The following TBC1D1 variants were observed in gnomAD, a reference collection of about 807,000 sequenced individuals.
TBC1D1 encodes TBC1 (tre-2/USP6, BUB2, cdc16) domain family, member 1.
A neutral mutation model predicts 125.6 loss-of-function variants in TBC1D1; 89 were observed. That is an observed-to-expected ratio of 0.71 (90% CI 0.60 to 0.85). The LOEUF (loss-of-function observed/expected upper bound fraction) is 0.85. Ranked by LOEUF, TBC1D1 falls within the 40% of genes least tolerant of loss-of-function variation. The pLI is 0.00. For synonymous variants in TBC1D1, 565 were observed against 564.1 expected (o/e 1.00, Z -0.02); for missense variants, 1,377 against 1,469.2 (o/e 0.94, Z 1.03).
chr4:37,927,756 C>T (rs1722416640), intron 2 of TBC1D1, among the ~76,000 whole-genome samples: 2 of 152,188 alleles, frequency 1.3e-5, no homozygotes, highest in Admixed American at 6.5e-5. Context: ...GTTAGGTTAG[C>T]TGGCACAGCA....
chr4:38,131,660 CAT>C (rs949764446), intron 18 of TBC1D1, among the ~76,000 whole-genome samples: 2 of 152,168 alleles, frequency 1.3e-5, no homozygotes, highest in African/African-American at 4.8e-5. Context: ...TCAAGTCATT[CAT>C]AGAGTCGCCA....
chr4:38,034,112 C>T (rs945120924), intron 7 of TBC1D1, among the ~76,000 whole-genome samples: 19 of 152,226 alleles, frequency 1.2e-4, no homozygotes, highest in African/African-American at 4.6e-4. Context: ...TGTTTTGCAT[C>T]CCCGCCAACC....
At chr4:37,912,365 G>A (rs1718806599) in intron 2 of TBC1D1, among the ~76,000 whole-genome samples, 1 of 152,214 alleles carries the variant, frequency 6.6e-6, no homozygotes, top group Admixed American at 6.5e-5. Flanking sequence ...TATAGTATGT[G>A]CCATGCCATA....
chr4:37,947,690 T>C (rs4351030), intron 2 of TBC1D1, among the ~76,000 whole-genome samples: 16,339 of 152,182 alleles, frequency 0.11, 972 homozygotes, highest in East Asian at 0.17. Flanking sequence ...TACTTCTGTT[T>C]CTATAAAACT....
chr4:37,975,927 C>A (rs1156306734), intron 2 of TBC1D1, among the ~76,000 whole-genome samples: 3 of 152,106 alleles, frequency 2.0e-5, no homozygotes, highest in Non-Finnish European at 4.4e-5. Context: ...CTTGCCTTGG[C>A]AGCTGGGTGG....
chr4:37,908,837 G>A (rs553652693), intron 2 of TBC1D1, among the ~76,000 whole-genome samples: 2 of 152,166 alleles, frequency 1.3e-5, no homozygotes, highest in Non-Finnish European at 2.9e-5. Flanking sequence ...GGGTGGAGCG[G>A]GGGAGAGTGA....
rs146605077 is a variant in TBC1D1, at chr4:38,053,128, C to T, written c.1911-1071C>T. On this transcript the variant is annotated intron_variant, in intron 11 of 19. Transcript: ENST00000261439. ...TAGCATCTCCTACCGTAATGCCCTGCGGAAAAAACTTCATTCTTCTTCCTC... is the reference window on the plus strand; with the variant it reads ...TAGCATCTCCTACCGTAATGCCCTGTGGAAAAAACTTCATTCTTCTTCCTC... 33 of 1,523,790 alleles carry T rather than the reference C, an allele frequency of 2.2e-5. No individual in the cohort carries two copies. The African/African-American group carries it at 2.2e-4, about 10-fold the overall frequency. The allele number at this position is 1,523,790 out of a possible 1,614,324, so 94.4% of individuals were successfully genotyped here. A position where few individuals can be genotyped will look rare whatever the true frequency, so the allele number is the denominator to read the frequency against.
At chr4:38,082,187 C>A (rs1188456716) in intron 12 of TBC1D1, among the ~76,000 whole-genome samples, 1 of 152,126 alleles carries the variant, frequency 6.6e-6, no homozygotes, top group Non-Finnish European at 1.5e-5. Flanking sequence ...ACAGTTTCCC[C>A]ACAATACTGA....
chr4:37,914,627 C>T (rs909372035), intron 2 of TBC1D1, among the ~76,000 whole-genome samples: 2 of 152,208 alleles, frequency 1.3e-5, no homozygotes, highest in Non-Finnish European at 2.9e-5. Context: ...TGAAATCATG[C>T]CATTCCCCTG....
chr4:38,019,163 T>C (rs1405749547), intron 4 of TBC1D1, among the ~76,000 whole-genome samples: 1 of 152,136 alleles, frequency 6.6e-6, no homozygotes, highest in Non-Finnish European at 1.5e-5. Context: ...CACTTAAGGT[T>C]ATATTTGCTT....
At chr4:38,051,810 G>A (rs985004751) in intron 11 of TBC1D1, 89 bp from the exon 12 acceptor site, 21 of 1,279,344 alleles carry the variant, frequency 1.6e-5, no homozygotes, top group Non-Finnish European at 2.0e-5. Context: ...AGACAAAAGC[G>A]GTGTGCTCCT....
intron 12 of TBC1D1, among the ~76,000 whole-genome samples, chr4:38,072,225 C>CA (rs1280255696): frequency 6.6e-6 from 1 of 152,190 alleles, no homozygotes; most frequent in Non-Finnish European, 1.5e-5. Context: ...GTCTGTATGA[C>CA]AGAGAGGCAG....
In TBC1D1 at chr4:37,960,024, A is replaced by G. The variant is rs191696215; in HGVS notation, c.418-54485A>G. On this transcript the variant is annotated intron_variant, in intron 2 of 19. Transcript: ENST00000261439. ...TTGCATTTATTAAAGGTTAGTAAGA[A>G]GTGAAATAATGTATGCAAAAGTACA... Among the ~76,000 whole-genome samples the G allele has an allele frequency of 1.8e-3, 269 of 152,380 alleles. 3 individuals carry two copies. The highest frequency in any genetic ancestry group is 6.3e-3 in the African/African-American group (262 of 41,580).
intron 14 of TBC1D1, among the ~76,000 whole-genome samples, chr4:38,102,076 A>C (rs1760439274): frequency 1.6e-5 from 2 of 124,926 alleles, no homozygotes; most frequent in Admixed American, 9.9e-5. Context: ...GGGAACATCA[A>C]ACACTGGGGC....
At chr4:37,922,503 C>G (rs896827619) in intron 2 of TBC1D1, among the ~76,000 whole-genome samples, 1 of 152,318 alleles carries the variant, frequency 6.6e-6, no homozygotes, top group South Asian at 2.1e-4. Context: ...GCCTTTAAGC[C>G]GTCCTGAATC....
At chr4:37,924,268 CAA>C (rs1405788569) in intron 2 of TBC1D1, among the ~76,000 whole-genome samples, 1 of 152,116 alleles carries the variant, frequency 6.6e-6, no homozygotes, top group Non-Finnish European at 1.5e-5. Context: ...TGAGTCAGTT[CAA>C]GTTTATGGGT....
At chr4:38,060,564 T>C in intron 12 of TBC1D1, 2 of 1,186,516 alleles carry the variant, frequency 1.7e-6, no homozygotes, top group South Asian at 1.3e-5. Context: ...TATTTGCTCC[T>C]CTGAGTAAAG....
intron 17 of TBC1D1, among the ~76,000 whole-genome samples, chr4:38,121,964 G>C (rs1344126348): frequency 1.3e-5 from 2 of 152,156 alleles, no homozygotes; most frequent in African/African-American, 4.8e-5. Flanking sequence ...GCTTCCTGCA[G>C]TCCTTCCTTC....
chr4:38,129,744 A>C (rs183349671), intron 18 of TBC1D1, among the ~76,000 whole-genome samples: 2 of 152,236 alleles, frequency 1.3e-5, no homozygotes, highest in African/African-American at 4.8e-5. Flanking sequence ...CGAAGAGGAG[A>C]TATCTAGTAA....
Sources: allele counts gnomAD v4.1 joint callset (sites outside exome capture counted in the v4.1 genomes callset), GRCh38; gene constraint gnomAD v4.1.1; transcripts MANE v1.5; gene names NCBI Gene and HGNC (gene_info 2026-07-23, HGNC 2026-07-21).